The following SUGCT variants were observed in gnomAD, a reference collection of about 807,000 sequenced individuals.
SUGCT encodes the protein succinyl-CoA:glutarate-CoA transferase, also known as succinyl-CoA:glutarate CoA-transferase.
A neutral mutation model predicts 55.0 loss-of-function variants in SUGCT; 41 were observed. That is an observed-to-expected ratio of 0.74 (90% CI 0.58 to 0.97). The LOEUF is 0.97. SUGCT is among the 50% of genes least tolerant of loss of function. The probability of loss-of-function intolerance (pLI) is 0.00; values close to 1 mark genes in which losing one functional copy is unlikely to be tolerated. For synonymous variants in SUGCT, 187 were observed against 200.4 expected (o/e 0.93, Z 0.56); for missense variants, 568 against 547.8 (o/e 1.04, Z -0.37).
chr7:40,918,460 CA>C, the SUGCT span, among the ~76,000 whole-genome samples: 15,932 of 101,674 alleles, frequency 0.16, 680 homozygotes, highest in African/African-American at 0.21. Flanking sequence ...GACTCTGTCT[CA>C]AAAAAAAAAA....
intron 12 of SUGCT, among the ~76,000 whole-genome samples, chr7:40,656,234 A>T (rs1039978297): frequency 7.2e-6 from 1 of 139,166 alleles, no homozygotes; most frequent in Non-Finnish European, 1.5e-5. Context: ...TTATCATAGC[A>T]TCTTTTTTTT....
At chr7:41,023,115 C>T in the SUGCT span, among the ~76,000 whole-genome samples, 1 of 152,120 alleles carries the variant, frequency 6.6e-6, no homozygotes, top group Admixed American at 6.5e-5. Context: ...CAGTTCACAG[C>T]ATGTCAGGTT....
rs181850721 is a variant in SUGCT at position 40,388,997 on chromosome 7, T to C, written c.817-60290T>C. Among the ~76,000 whole-genome samples, 346 of 152,350 alleles carry C rather than the reference T, an allele frequency of 2.3e-3. 1 individual carries two copies. The highest frequency in any genetic ancestry group is 4.7e-3 in the Admixed American group (72 of 15,302). On this transcript the variant is annotated intron_variant, in intron 9 of 13. Coordinates refer to ENST00000335693, the MANE Select transcript of SUGCT (RefSeq NM_001193313.2). ...GCTGCTCTTCTAGCTTTTCATTGGC[T>C]AGTCATTGTCAAAATATGCTTGTTA...
At chr7:40,486,109 T>G (rs1791328692) in intron 11 of SUGCT, among the ~76,000 whole-genome samples, 2 of 152,206 alleles carry the variant, frequency 1.3e-5, no homozygotes, top group Admixed American at 6.5e-5. Flanking sequence ...TTAACTGTTT[T>G]GTAGAATTCA....
chr7:40,723,213 C>T (rs368195052), intron 12 of SUGCT, among the ~76,000 whole-genome samples: 16 of 151,872 alleles, frequency 1.1e-4, no homozygotes, highest in Admixed American at 9.9e-4. Context: ...CCAATTTTAG[C>T]AGGAGGTAAA....
intron 13 of SUGCT, among the ~76,000 whole-genome samples, chr7:40,860,100 C>T (rs139648778): frequency 2.6e-5 from 4 of 152,276 alleles, no homozygotes; most frequent in South Asian, 2.1e-4. Context: ...TGGTGATGAG[C>T]GAGTCAGATG....
In SUGCT at chr7:40,432,708, A is replaced by T. The variant is rs1052275172; in HGVS notation, c.817-16579A>T. On this transcript the variant is annotated intron_variant, in intron 9 of 13. Coordinates refer to ENST00000335693, the MANE Select transcript of SUGCT (RefSeq NM_001193313.2). ...CTCAAAAAAAAAAAAAAAAAAAAAA[A>T]AAAAAATCAAAATTCTCCTTTTGTC... 9.2e-4 allele frequency among the ~76,000 whole-genome samples: 139 copies of T among 150,586 alleles called. 1 individual carries two copies. The highest frequency in any genetic ancestry group is 3.1e-3 in the African/African-American group (129 of 41,110).
chr7:40,583,512 T>G (rs1283974363), intron 12 of SUGCT, among the ~76,000 whole-genome samples: 4 of 152,192 alleles, frequency 2.6e-5, no homozygotes, highest in African/African-American at 9.6e-5. Flanking sequence ...TTAGTGTCAT[T>G]GAGTCAATTA....
intron 13 of SUGCT, among the ~76,000 whole-genome samples, chr7:40,812,395 T>C (rs1405924030): frequency 6.6e-6 from 1 of 152,184 alleles, no homozygotes; most frequent in African/African-American, 2.4e-5. Context: ...TGCTTCAATT[T>C]CAGAACTTGA....
chr7:40,580,302 A>C (rs1302967154), intron 12 of SUGCT, among the ~76,000 whole-genome samples: 1 of 152,180 alleles, frequency 6.6e-6, no homozygotes, highest in Non-Finnish European at 1.5e-5. Context: ...CTTTCATATG[A>C]AATGATAGTT....
chr7:40,181,814 T>G lies in SUGCT; in HGVS notation c.153-141T>G, dbSNP rs980706838. On this transcript the variant is annotated intron_variant, in intron 2 of 13. Coordinates refer to ENST00000335693, the MANE Select transcript of SUGCT (RefSeq NM_001193313.2). ...ATATATTTTTAAAGCTCCTATTACATATGGCCAAATTACAGTTTTAACTGT... is the reference window on the plus strand; with the variant it reads ...ATATATTTTTAAAGCTCCTATTACAGATGGCCAAATTACAGTTTTAACTGT... 26 of 564,578 alleles carry G rather than the reference T, an allele frequency of 4.6e-5. No homozygotes were observed. The South Asian group carries it at 6.0e-4, about 13-fold the overall frequency. The allele number at this position is 564,578 out of a possible 1,614,324, so 35.0% of individuals were successfully genotyped here. A position where few individuals can be genotyped will look rare whatever the true frequency, so the allele number is the denominator to read the frequency against.
At chr7:40,520,669 A>G (rs1793481908) in intron 12 of SUGCT, among the ~76,000 whole-genome samples, 1 of 152,078 alleles carries the variant, frequency 6.6e-6, no homozygotes, top group East Asian at 1.9e-4. Context: ...ACCACATTCG[A>G]GGTGAGAGAT....
chr7:40,708,166 A>G (rs1465054412), intron 12 of SUGCT, among the ~76,000 whole-genome samples: 1 of 152,182 alleles, frequency 6.6e-6, no homozygotes, highest in Non-Finnish European at 1.5e-5. Flanking sequence ...TATTAGTACT[A>G]TTGAAGTATT....
intron 6 of SUGCT, among the ~76,000 whole-genome samples, chr7:40,236,623 T>C (rs1049887881): frequency 2.0e-5 from 3 of 152,086 alleles, no homozygotes; most frequent in African/African-American, 7.2e-5. Flanking sequence ...CTTTGTATAT[T>C]AGCTTAACTT....
intron 9 of SUGCT, among the ~76,000 whole-genome samples, chr7:40,415,061 A>ATCTATCTATCTATCTGTCT (rs59583043): frequency 1.0e-3 from 66 of 63,626 alleles, no homozygotes; most frequent in Non-Finnish European, 1.5e-3. Context: ...AAAAAAAAAA[A>ATCTATCTATCTATCTGTCT]ATCTATCTAT....
At chr7:40,748,415 G>A (rs1787843111) in intron 12 of SUGCT, among the ~76,000 whole-genome samples, 2 of 151,912 alleles carry the variant, frequency 1.3e-5, no homozygotes, top group South Asian at 4.2e-4. Flanking sequence ...GTATATGATT[G>A]TTTTTAACTA....
At chr7:40,881,457 T>C in the SUGCT span, among the ~76,000 whole-genome samples, 1 of 152,284 alleles carries the variant, frequency 6.6e-6, no homozygotes, top group South Asian at 2.1e-4. Context: ...CCCTGCCTTC[T>C]CCCTTAAGAC....
intron 3 of SUGCT, among the ~76,000 whole-genome samples, chr7:40,186,548 C>T (rs1317426709): frequency 2.6e-5 from 4 of 152,062 alleles, no homozygotes; most frequent in African/African-American, 4.8e-5. Context: ...CATGAGCCAC[C>T]GGATCTGGCC....
intron 13 of SUGCT, among the ~76,000 whole-genome samples, chr7:40,801,170 C>T (rs879846067): frequency 3.9e-5 from 6 of 152,216 alleles, no homozygotes; most frequent in Non-Finnish European, 7.3e-5. Flanking sequence ...TGTGTGAACA[C>T]TCTCCAGAAT....
Sources: gnomAD v4.1 joint callset for allele counts (sites outside exome capture counted in the v4.1 genomes callset) on GRCh38, gnomAD v4.1.1 for gene constraint, MANE v1.5 for transcripts, NCBI Gene and HGNC (gene_info 2026-07-23, HGNC 2026-07-21) for gene names.